The following SUMF2 variants were observed in gnomAD, a reference collection of about 807,000 sequenced individuals.
The protein encoded by SUMF2 is sulfatase modifying factor 2, also known as inactive C-alpha-formylglycine-generating enzyme 2.
In SUMF2, 45 loss-of-function variants were observed where a neutral mutation model predicts 44.8. The ratio of observed to expected loss-of-function variants is 1.00; its 90% confidence interval spans 0.79 to 1.29. The LOEUF (loss-of-function observed/expected upper bound fraction) is 1.29, where lower values mean the gene tolerates loss of function less well. Ranked by LOEUF, SUMF2 falls within the 50% of genes most tolerant of loss-of-function variation. The pLI, the probability that SUMF2 is intolerant of heterozygous loss-of-function variation, is 0.00. For missense variants in SUMF2, 418 were observed against 389.9 expected (o/e 1.07, Z -0.61); for synonymous variants, 148 against 150.4 (o/e 0.98, Z 0.12).
At position 56,079,583 on chromosome 7, in the gene SUMF2, G is replaced by C. The variant is rs1347589848; in HGVS notation, c.877G>C (p.Asp293His). Residue 293 changes from aspartate to histidine, a missense_variant, in exon 9 of 9, where the codon GAC becomes CAC. By Grantham distance (81) the Asp-to-His change is moderately conservative (BLOSUM62 -1). Coordinates refer to ENST00000434526, the MANE Select transcript of SUMF2 (RefSeq NM_015411.4). ...SDNLGFRCAA[D>H]AGRPPGEL is the part of the protein sequence containing the mutation. The stretch of plus-strand genomic sequence containing the variant: ...CAACCTCGGTTTCCGCTGTGCTGCA[G>C]ACGCAGGCCGGCCGCCAGGGGAGCT... The C allele has an allele frequency of 8.7e-6, 14 of 1,614,082 alleles. No homozygotes were observed. Among genetic ancestry groups the C allele is most frequent in the African/African-American group, 1.3e-5 (1 of 74,956 alleles).
At chr7:56,087,092 G>A in the SUMF2 span, 1 of 1,248,688 alleles carries the variant, frequency 8.0e-7, no homozygotes, top group South Asian at 1.2e-5. Flanking sequence ...CGGGGCACGG[G>A]GGTCAGGGAC....
chr7:56,083,559 C>T (rs1562878283), downstream of SUMF2: 25 of 1,496,362 alleles, frequency 1.7e-5, no homozygotes, highest in Non-Finnish European at 2.2e-5. Context: ...CCAGCCCAGA[C>T]ATGTGCACGC....
At chr7:56,080,829 C>T (rs925015752), downstream of SUMF2, 4 of 583,750 alleles carry the variant, frequency 6.9e-6, no homozygotes, top group African/African-American at 1.9e-5. Flanking sequence ...TGATCTCTGC[C>T]CACCCAGGGC....
Position 56,068,714 on chromosome 7 carries a change from T to G in SUMF2, c.224+76T>G, listed in dbSNP as rs1301438166. Reference sequence around the variant, plus strand: ...CTTTTTTCTTTCTTTTTTTTTTTTTTGTTTTTTGAGACTGACTCCCTCTGT... The same window carrying G: ...CTTTTTTCTTTCTTTTTTTTTTTTTGGTTTTTTGAGACTGACTCCCTCTGT... On this transcript the variant is annotated intron_variant, in intron 2 of 8. Transcript: ENST00000434526. 7 of 1,481,234 alleles carry G rather than the reference T, an allele frequency of 4.7e-6. No homozygotes were observed. The South Asian group carries it at 5.1e-5, about 11-fold the overall frequency. 91.8% of individuals were successfully genotyped at this position (1,481,234 alleles called of 1,614,324 possible).
chr7:56,085,888 C>T, the SUMF2 span, among the ~76,000 whole-genome samples: 3 of 151,542 alleles, frequency 2.0e-5, no homozygotes, highest in Admixed American at 2.0e-4. Context: ...GCAGGAGAAT[C>T]ACTTGAACCC....
At chr7:56,084,300 G>C (rs1235010096), downstream of SUMF2, 13 of 1,015,562 alleles carry the variant, frequency 1.3e-5, no homozygotes, top group Non-Finnish European at 1.9e-5. Flanking sequence ...ATGGCTGGAG[G>C]CTGAAAGAGG....
chr7:56,079,571 C>T lies in SUMF2; in HGVS notation c.865C>T (p.Arg289Cys), dbSNP rs575845235. 1.7e-5 allele frequency: 27 copies of T among 1,614,174 alleles called. No homozygotes were observed. The highest frequency in any genetic ancestry group is 1.6e-4 in the Middle Eastern group (1 of 6,062). ...TTCAGCCTCAGACAACCTCGGTTTC[C>T]GCTGTGCTGCAGACGCAGGCCGGCC... ...PDSASDNLGF[R>C]CAADAGRPPG... Residue 289 changes from arginine to cysteine, a missense_variant, in exon 9 of 9, where the codon CGC (arginine) becomes TGC (cysteine). Arg to Cys is a radical substitution (Grantham distance 180). Coordinates refer to ENST00000434526, the MANE Select transcript of SUMF2 (RefSeq NM_015411.4).
intron 1 of SUMF2, among the ~76,000 whole-genome samples, chr7:56,066,204 ACATC>A: frequency 6.6e-6 from 1 of 152,170 alleles, no homozygotes; most frequent in East Asian, 1.9e-4. Context: ...ATCTTGAGGA[ACATC>A]AAAAGACAAG....
chr7:56,083,276 AC>A, downstream of SUMF2: 1 of 1,613,668 alleles, frequency 6.2e-7, no homozygotes, highest in Non-Finnish European at 8.5e-7. Flanking sequence ...ATGTTACCAG[AC>A]CTCGCAGCCT....
At chr7:56,076,731 A>G in intron 5 of SUMF2, 103 bp from the exon 6 acceptor site, 1 of 1,073,434 alleles carries the variant, frequency 9.3e-7, no homozygotes, top group Non-Finnish European at 1.4e-6. Context: ...TTTTCTCATC[A>G]CCCTCTAACT....
chr7:56,087,087 C>T, the SUMF2 span: 42 of 1,309,746 alleles, frequency 3.2e-5, no homozygotes, highest in South Asian at 4.4e-4. Flanking sequence ...GCAGCCGGGG[C>T]ACGGGGGTCA....
intron 2 of SUMF2, among the ~76,000 whole-genome samples, chr7:56,070,293 C>G (rs1795074150): frequency 6.6e-6 from 1 of 151,896 alleles, no homozygotes; most frequent in South Asian, 2.1e-4. Context: ...AACAATAACA[C>G]CTGTTACATC....
downstream of SUMF2, chr7:56,083,430 C>G (rs746327103): frequency 1.2e-6 from 2 of 1,614,036 alleles, no homozygotes; most frequent in Non-Finnish European, 8.5e-7. Context: ...CAGCAGAGCT[C>G]GCATGATCTT....
rs753373451 is a variant in SUMF2 at position 56,074,696 on chromosome 7, G to A, written c.495G>A (p.Thr165=). The A allele has an allele frequency of 2.5e-6, 4 of 1,614,172 alleles. No individual in the cohort carries two copies. The highest frequency in any genetic ancestry group is 3.4e-6 in the Non-Finnish European group (4 of 1,180,036). Residue 165 remains threonine (T), a synonymous_variant, in exon 5 of 9, where the codon ACG becomes ACA. Transcript: ENST00000434526. Reference sequence around the variant, plus strand: ...CTTGGCGGGGAAAACGACTGCCCACGGAGGAAGAGTGGGAGTTTGCCGCCC... The same window carrying A: ...CTTGGCGGGGAAAACGACTGCCCACAGAGGAAGAGTGGGAGTTTGCCGCCC... ...YCAWRGKRLP[T]EEEWEFAARG...
chr7:56,087,566 A>G, the SUMF2 span: 1 of 1,596,658 alleles, frequency 6.3e-7, no homozygotes, highest in East Asian at 2.2e-5. Flanking sequence ...ACAGGGGGGC[A>G]CCCTGCCGTG....
chr7:56,081,522 GGGATGGGTACTCT>G, downstream of SUMF2: 1 of 1,368,178 alleles, frequency 7.3e-7, no homozygotes, highest in South Asian at 1.3e-5. This position sits in a 1 kb window ranked among gnomAD's most constrained non-coding sequence, Gnocchi z 4.6. Context: ...TGGGAGGGGA[GGGATGGGTACTCT>G]GGAAATTCAC....
chr7:56,071,883 G>A (rs192744916), intron 2 of SUMF2, among the ~76,000 whole-genome samples: 6 of 151,728 alleles, frequency 4.0e-5, no homozygotes, highest in South Asian at 2.1e-4. Flanking sequence ...AGGCCGAGGC[G>A]GGCAGATCAT....
In SUMF2 at chr7:56,068,515, AG is replaced by A; in HGVS notation, c.104del (p.Gly35ValfsTer5). On this transcript the variant is annotated frameshift_variant, in exon 2 of 9. Coordinates refer to ENST00000434526, the MANE Select transcript of SUMF2 (RefSeq NM_015411.4). LOFTEE classifies it high-confidence loss of function. ...NGQATSMVQL[Q>X]GGRFLMGTNS... ...CAGGCTACTAGCATGGTCCAACTGCAGGGTGGGAGATTCCTGATGGGAACAA... is the reference window on the plus strand; with the variant it reads ...CAGGCTACTAGCATGGTCCAACTGCAGGTGGGAGATTCCTGATGGGAACAA... The A allele has an allele frequency of 1.2e-6, 2 of 1,613,670 alleles. No individual in the cohort carries two copies. Among genetic ancestry groups the A allele is most frequent in the Admixed American group, 1.7e-5 (1 of 59,874 alleles).
chr7:56,068,525 A>C lies in SUMF2; in HGVS notation c.111A>C (p.Arg37Ser). The C allele has an allele frequency of 6.2e-7, 1 of 1,613,770 alleles. No individual in the cohort carries two copies. Among genetic ancestry groups the C allele is most frequent in the South Asian group, 1.1e-5 (1 of 91,040 alleles). ...ATSMVQLQGG[R>S]FLMGTNSPDS... ...GCATGGTCCAACTGCAGGGTGGGAG[A>C]TTCCTGATGGGAACAAATTCTCCAG... Residue 37 changes from arginine to serine, a missense_variant, in exon 2 of 9, where the codon AGA becomes AGC. Physicochemically the swap from Arg to Ser is moderately radical, Grantham distance 110. Transcript: ENST00000434526.
Sources: gnomAD v4.1 joint callset for allele counts (sites outside exome capture counted in the v4.1 genomes callset) on GRCh38, gnomAD v4.1.1 for gene constraint, Gnocchi (gnomAD v3.1) non-coding constraint, MANE v1.5 for transcripts, NCBI Gene and HGNC (gene_info 2026-07-23, HGNC 2026-07-21) for gene names.